CHST11: variants seen among roughly 807,000 people sequenced by gnomAD.
The protein encoded by CHST11 is carbohydrate sulfotransferase 11, also known as C4S-1.
CHST11 carries 9 observed loss-of-function variants against 30.4 expected under a neutral mutation model. That is an observed-to-expected ratio of 0.30 (90% confidence interval 0.18 to 0.52). CHST11 has a LOEUF of 0.52. CHST11 is among the 20% of genes least tolerant of loss of function. The pLI, the probability that CHST11 is intolerant of heterozygous loss-of-function variation, is 0.97. For synonymous variants in CHST11, 152 were observed against 187.8 expected (o/e 0.81, Z 1.56); for missense variants, 348 against 460.6 (o/e 0.76, Z 2.24).
At chr12:104,525,018 A>G (rs1158327030) in intron 1 of CHST11, among the ~76,000 whole-genome samples, 1 of 152,172 alleles carries the variant, frequency 6.6e-6, no homozygotes, top group Non-Finnish European at 1.5e-5. Flanking sequence ...ACAGAAAAAG[A>G]GGGAAGAAAT....
chr12:104,602,623 G>A (rs2038967453), intron 2 of CHST11, among the ~76,000 whole-genome samples: 1 of 152,200 alleles, frequency 6.6e-6, no homozygotes, highest in South Asian at 2.1e-4. Context: ...GGTTGCCATG[G>A]CAACAGCCTC....
intron 2 of CHST11, among the ~76,000 whole-genome samples, chr12:104,618,219 CTTTTCTTTTT>C (rs1213583999): frequency 8.9e-6 from 1 of 111,864 alleles, no homozygotes; most frequent in East Asian, 3.4e-4. Context: ...TTCTTCTTTT[CTTTTCTTTTT>C]TTTTTTTTTT....
At chr12:104,732,054 C>T (rs1451844723) in intron 2 of CHST11, among the ~76,000 whole-genome samples, 1 of 152,234 alleles carries the variant, frequency 6.6e-6, no homozygotes, top group African/African-American at 2.4e-5. Context: ...GCAACCAGCT[C>T]CACAGCTATG....
intron 2 of CHST11, among the ~76,000 whole-genome samples, chr12:104,695,121 C>T (rs961985398): frequency 6.6e-5 from 10 of 152,188 alleles, no homozygotes; most frequent in Non-Finnish European, 1.3e-4. Flanking sequence ...ACACGTGTGG[C>T]CTTTCACAAG....
chr12:104,725,957 C>G (rs2040213338), intron 2 of CHST11, among the ~76,000 whole-genome samples: 1 of 152,136 alleles, frequency 6.6e-6, no homozygotes, highest in Non-Finnish European at 1.5e-5. Flanking sequence ...CTTGATTAAT[C>G]AAGATGTGGC....
intron 2 of CHST11, among the ~76,000 whole-genome samples, chr12:104,741,500 T>C (rs2040346639): frequency 6.6e-6 from 1 of 152,222 alleles, no homozygotes. Flanking sequence ...TTTGGGTGCC[T>C]CTCAATTCAT....
intron 2 of CHST11, among the ~76,000 whole-genome samples, chr12:104,752,486 C>T (rs942202914): frequency 3.3e-5 from 5 of 151,216 alleles, no homozygotes; most frequent in African/African-American, 1.2e-4. Context: ...AATCAACAAA[C>T]AATTGGGAAA....
At chr12:104,678,489 T>G (rs763155356) in intron 2 of CHST11, among the ~76,000 whole-genome samples, 4 of 152,268 alleles carry the variant, frequency 2.6e-5, no homozygotes, top group African/African-American at 4.8e-5. Context: ...TTTGCATGAT[T>G]TAATTCATTT....
chr12:104,555,653 G>A (rs2038447874), intron 1 of CHST11, among the ~76,000 whole-genome samples: 1 of 152,216 alleles, frequency 6.6e-6, no homozygotes, highest in South Asian at 2.1e-4. Flanking sequence ...CAGGATGGGG[G>A]TTGGGCCCCA....
chr12:104,479,317 C>T (rs1339000317), intron 1 of CHST11, among the ~76,000 whole-genome samples: 2 of 152,130 alleles, frequency 1.3e-5, no homozygotes, highest in African/African-American at 2.4e-5. Context: ...CCTAGCCTTT[C>T]AGCAGTCCCA....
chr12:104,570,436 G>T (rs1028449657), intron 1 of CHST11, among the ~76,000 whole-genome samples: 1 of 151,980 alleles, frequency 6.6e-6, no homozygotes, highest in Non-Finnish European at 1.5e-5. Flanking sequence ...CCCAAGCCAC[G>T]TGCCTTCTTG....
At chr12:104,749,121 C>T (rs1198905745) in intron 2 of CHST11, among the ~76,000 whole-genome samples, 1 of 152,140 alleles carries the variant, frequency 6.6e-6, no homozygotes, top group Admixed American at 6.5e-5. Flanking sequence ...TTCTGTTGAC[C>T]TTAGGTGGAA....
intron 1 of CHST11, among the ~76,000 whole-genome samples, chr12:104,587,816 T>C (rs1650133): frequency 0.53 from 77,449 of 146,666 alleles, 20,783 homozygotes; most frequent in African/African-American, 0.62. Context: ...CTTCAATTCG[T>C]TAGAGATTAA....
chr12:104,550,674 G>T (rs1163531804), intron 1 of CHST11, among the ~76,000 whole-genome samples: 1 of 152,182 alleles, frequency 6.6e-6, no homozygotes, highest in Non-Finnish European at 1.5e-5. Flanking sequence ...TGCCCATATG[G>T]GTCCTAATGC....
intron 1 of CHST11, among the ~76,000 whole-genome samples, chr12:104,522,061 A>T (rs1342994353): frequency 6.6e-6 from 1 of 152,194 alleles, no homozygotes; most frequent in East Asian, 1.9e-4. Context: ...TTTCTTTCCC[A>T]GTTATATTAA....
At chr12:104,647,090 C>T (rs75890813) in intron 2 of CHST11, among the ~76,000 whole-genome samples, 1 of 152,306 alleles carries the variant, frequency 6.6e-6, no homozygotes, top group African/African-American at 2.4e-5. Flanking sequence ...GAGGTGAGCT[C>T]CCCATCACAG....
chr12:104,530,540 C>T (rs774796713), intron 1 of CHST11, among the ~76,000 whole-genome samples: 1 of 152,226 alleles, frequency 6.6e-6, no homozygotes, highest in Non-Finnish European at 1.5e-5. Flanking sequence ...GAGACTAGAG[C>T]ATAAAGTCTT....
chr12:104,691,065 A>G (rs2039892098), intron 2 of CHST11, among the ~76,000 whole-genome samples: 1 of 151,958 alleles, frequency 6.6e-6, no homozygotes, highest in South Asian at 2.1e-4. Flanking sequence ...TTTCCTCCCA[A>G]CTCTCACCAG....
rs1464141043 is a variant in CHST11 at position 104,714,556 on chromosome 12, GAT to G, written c.205-42392_205-42391del. ...GGTTTGCTTTTGTGGAGGTGGTGAT[GAT>G]GATGATGATGATGATGATGGTGACG... On this transcript the variant is annotated intron_variant, in intron 2 of 2. Coordinates refer to ENST00000303694, the MANE Select transcript of CHST11 (RefSeq NM_018413.6). Among the ~76,000 whole-genome samples, 593 of 73,906 alleles carry G rather than the reference GAT, an allele frequency of 8.0e-3. 6 individuals are homozygous for G. The highest frequency in any genetic ancestry group is 0.034 in the African/African-American group (561 of 16,288). The allele number at this position is 73,906 out of a possible 152,430, so 48.5% of individuals were successfully genotyped here.
Sources: gnomAD v4.1 joint callset for allele counts (sites outside exome capture counted in the v4.1 genomes callset) on GRCh38, gnomAD v4.1.1 for gene constraint, MANE v1.5 for transcripts, NCBI Gene and HGNC (gene_info 2026-07-23, HGNC 2026-07-21) for gene names.